The following KCNK2 variants were observed in gnomAD, a reference collection of about 807,000 sequenced individuals.
KCNK2 encodes potassium channel subfamily K member 2.
KCNK2 carries 21 observed loss-of-function variants against 40.5 expected under a neutral mutation model. The ratio of observed to expected loss-of-function variants is 0.52; its 90% CI spans 0.37 to 0.75. The LOEUF is 0.75. Among genes scored for constraint, KCNK2 ranks in the 30% least tolerant of loss-of-function variants. The probability of loss-of-function intolerance (pLI) is 0.00; values close to 1 mark genes in which losing one functional copy is unlikely to be tolerated. For missense variants in KCNK2, 399 were observed against 531.6 expected (o/e 0.75, Z 2.45); for synonymous variants, 191 against 202.2 (o/e 0.94, Z 0.47).
chr1:215,090,273 C>G (rs1190537632), intron 2 of KCNK2, among the ~76,000 whole-genome samples: 1 of 152,158 alleles, frequency 6.6e-6, no homozygotes, highest in East Asian at 1.9e-4. Flanking sequence ...GCCTTATTAT[C>G]TGCTTTTACC....
Position 215,172,037 on chromosome 1 carries a change from C to T in KCNK2, c.677C>T (p.Thr226Ile), listed in dbSNP as rs1371871995. The change falls in exon 5 of 7, where the codon ACA becomes ATA. Residue 226 changes from threonine to isoleucine, a missense_variant. Thr to Ile is a moderately conservative substitution (Grantham distance 89). This residue lies in a region of KCNK2 where 279 missense variants were observed against 353.8 expected (regional missense o/e 0.79). Transcript: ENST00000444842. Reference sequence around the variant, plus strand: ...CAGACCAAGATTCGCATCATCTCAACAATCATATTTATACTATTTGGCTGT... The same window carrying T: ...CAGACCAAGATTCGCATCATCTCAATAATCATATTTATACTATTTGGCTGT... ...VSQTKIRIIS[T>I]IIFILFGCVL... is the part of the protein sequence containing the mutation. The T allele has an allele frequency of 6.2e-7, 1 of 1,613,114 alleles. No homozygotes were observed. Among genetic ancestry groups the T allele is most frequent in the Non-Finnish European group, 8.5e-7 (1 of 1,179,524 alleles).
rs1237251986 is a variant in KCNK2 at position 215,236,660 on chromosome 1, T to G, written c.*1515T>G. 1.3e-5 allele frequency: 2 copies of G among 152,420 alleles called. No individual in the cohort carries two copies. Among genetic ancestry groups the G allele is most frequent in the East Asian group, 3.9e-4 (2 of 5,190 alleles). The allele number at this position is 152,420 out of a possible 1,614,324, so 9.4% of individuals were successfully genotyped here. On this transcript the variant is annotated 3_prime_UTR_variant, in exon 7 of 7. Coordinates refer to ENST00000444842, the MANE Select transcript of KCNK2 (RefSeq NM_001017425.3). ...GCTACCCTTTCCTTTATTTTCATACTTAGATCTGCTGTACATTGTATATAT... is the reference window on the plus strand; with the variant it reads ...GCTACCCTTTCCTTTATTTTCATACGTAGATCTGCTGTACATTGTATATAT...
At chr1:215,090,308 C>T (rs572833701) in intron 2 of KCNK2, among the ~76,000 whole-genome samples, 7 of 152,124 alleles carry the variant, frequency 4.6e-5, no homozygotes, top group African/African-American at 7.2e-5. Flanking sequence ...AAGTAAGGGG[C>T]GCTTCAGTTT....
intron 6 of KCNK2, among the ~76,000 whole-genome samples, chr1:215,225,982 A>G (rs930045297): frequency 1.3e-5 from 2 of 152,234 alleles, no homozygotes; most frequent in African/African-American, 2.4e-5. Flanking sequence ...TCTAGAATAG[A>G]GAACTTTTAT....
At chr1:215,193,101 A>T (rs1664732898) in intron 5 of KCNK2, among the ~76,000 whole-genome samples, 1 of 152,100 alleles carries the variant, frequency 6.6e-6, no homozygotes, top group South Asian at 2.1e-4. Context: ...CAATAATGTT[A>T]TACTCAGTAT....
chr1:215,134,307 C>T (rs1161723033), intron 3 of KCNK2, among the ~76,000 whole-genome samples: 1 of 152,182 alleles, frequency 6.6e-6, no homozygotes, highest in African/African-American at 2.4e-5. Flanking sequence ...ACTGTCCCCA[C>T]TCCACATGCT....
chr1:215,177,636 T>C (rs1664031543), intron 5 of KCNK2, among the ~76,000 whole-genome samples: 2 of 151,216 alleles, frequency 1.3e-5, no homozygotes. Context: ...CTAATTTTTA[T>C]TGACTTTGTC....
chr1:215,230,076 T>C (rs1666564826), intron 6 of KCNK2, among the ~76,000 whole-genome samples: 1 of 120,756 alleles, frequency 8.3e-6, no homozygotes. Flanking sequence ...TAGATATATA[T>C]ATCTGTGTGT....
chr1:215,177,032 T>A (rs919455861), intron 5 of KCNK2, among the ~76,000 whole-genome samples: 11 of 152,212 alleles, frequency 7.2e-5, no homozygotes, highest in African/African-American at 2.7e-4. Context: ...ATAGTCATTC[T>A]GACTGGCATG....
At position 215,007,179 on chromosome 1, in the gene KCNK2, G is replaced by GTATA. The variant is rs1326276235; in HGVS notation, c.34+1225_34+1226insATAT. The stretch of plus-strand genomic sequence containing the variant: ...TATGTATGTATATATATATGTATGT[G>GTATA]TGTGGGTATATATATATATATATAT... On this transcript the variant is annotated intron_variant, in intron 1 of 6. Coordinates refer to the KCNK2 transcript ENST00000391895. Among the ~76,000 whole-genome samples the GTATA allele has an allele frequency of 2.1e-4, 14 of 68,108 alleles. No individual in the cohort carries two copies. In the South Asian group the frequency reaches 3.2e-3, roughly 16 times the overall value. 44.7% of individuals were successfully genotyped at this position (68,108 alleles called of 152,430 possible).
chr1:215,133,527 G>A (rs1661764227), intron 3 of KCNK2, among the ~76,000 whole-genome samples: 2 of 151,966 alleles, frequency 1.3e-5, no homozygotes, highest in Middle Eastern at 3.4e-3. Context: ...TATGTGTCTC[G>A]GGTGTTTTGT....
At chr1:215,151,234 T>C (rs904054727) in intron 3 of KCNK2, among the ~76,000 whole-genome samples, 1 of 152,128 alleles carries the variant, frequency 6.6e-6, no homozygotes, top group African/African-American at 2.4e-5. Flanking sequence ...GTTTTGTTGT[T>C]ATTATTGAAC....
At chr1:215,175,654 C>T (rs930844445) in intron 5 of KCNK2, among the ~76,000 whole-genome samples, 1 of 152,070 alleles carries the variant, frequency 6.6e-6, no homozygotes, top group Non-Finnish European at 1.5e-5. Flanking sequence ...CCTTCCCTCC[C>T]TTCCCACTCT....
At chr1:215,050,375 G>A (rs1657942886) in intron 1 of KCNK2, among the ~76,000 whole-genome samples, 1 of 152,120 alleles carries the variant, frequency 6.6e-6, no homozygotes, top group African/African-American at 2.4e-5. Flanking sequence ...GCAGTGTCAT[G>A]TCATAACTAT....
intron 5 of KCNK2, 80 bp downstream of exon 5, chr1:215,172,263 C>T: frequency 7.7e-7 from 1 of 1,298,538 alleles, no homozygotes; most frequent in South Asian, 1.4e-5. Flanking sequence ...TATAACGAAA[C>T]ACAAGGGCTG....
At chr1:215,208,953 T>C (rs891817231) in intron 6 of KCNK2, among the ~76,000 whole-genome samples, 5 of 151,576 alleles carry the variant, frequency 3.3e-5, no homozygotes, top group African/African-American at 9.7e-5. Context: ...TCGGCATGCA[T>C]AGTAGCTGGG....
At chr1:215,068,123 G>C (rs1456123421) in intron 1 of KCNK2, among the ~76,000 whole-genome samples, 3 of 150,934 alleles carry the variant, frequency 2.0e-5, no homozygotes, top group African/African-American at 7.3e-5. Context: ...GGGCTACCTG[G>C]TTTTCATATA....
intron 1 of KCNK2, among the ~76,000 whole-genome samples, chr1:215,007,319 T>TTGA (rs1318282242): frequency 1.4e-5 from 2 of 144,308 alleles, no homozygotes; most frequent in Non-Finnish European, 3.0e-5. Flanking sequence ...TTGCTGAGGG[T>TTGA]TGATGGGTTG....
At chr1:215,054,733 A>G (rs1558071114) in intron 1 of KCNK2, among the ~76,000 whole-genome samples, 1 of 152,164 alleles carries the variant, frequency 6.6e-6, no homozygotes. Flanking sequence ...CTGAATGGAG[A>G]CGTGTTTTGA....
Sources: gnomAD v4.1 joint callset for allele counts (sites outside exome capture counted in the v4.1 genomes callset) on GRCh38, gnomAD v4.1.1 for gene constraint, gnomAD v4.1.1 regional missense constraint, MANE v1.5 for transcripts, NCBI Gene and HGNC (gene_info 2026-07-23, HGNC 2026-07-21) for gene names.